The following TAFA1 variants were observed in gnomAD, a reference collection of about 807,000 sequenced individuals.
TAFA1 encodes the protein TAFA chemokine like family member 1, also known as chemokine-like protein TAFA-1.
TAFA1 carries 4 observed loss-of-function variants against 18.5 expected under a neutral mutation model. The observed-to-expected ratio is 0.22, with a 90% CI of 0.11 to 0.49. The LOEUF (loss-of-function observed/expected upper bound fraction) is 0.49. Among genes scored for constraint, TAFA1 ranks in the 20% least tolerant of loss-of-function variants. The probability of loss-of-function intolerance (pLI) is 0.98; values close to 1 mark genes in which losing one functional copy is unlikely to be tolerated. For synonymous variants in TAFA1, 56 were observed against 55.2 expected, an observed-to-expected ratio of 1.01 and a Z score of -0.06; for missense variants, 147 against 169.0, an observed-to-expected ratio of 0.87 and a Z score of 0.72.
intron 2 of TAFA1, among the ~76,000 whole-genome samples, chr3:68,067,187 T>G (rs1367226365): frequency 1.3e-5 from 2 of 152,334 alleles, no homozygotes; most frequent in African/African-American, 4.8e-5. Context: ...TTGTGACATC[T>G]ACATTTTGGT....
chr3:68,091,189 A>G (rs2065025626), intron 2 of TAFA1, among the ~76,000 whole-genome samples: 1 of 152,202 alleles, frequency 6.6e-6, no homozygotes, highest in African/African-American at 2.4e-5. Flanking sequence ...AAGGACACCT[A>G]CAGACTTCTC....
At chr3:68,066,026 A>G (rs2064673802) in intron 2 of TAFA1, among the ~76,000 whole-genome samples, 1 of 152,150 alleles carries the variant, frequency 6.6e-6, no homozygotes, top group South Asian at 2.1e-4. Context: ...AATGTGTAGA[A>G]AATACAAACA....
At chr3:68,050,278 T>C (rs1207909195) in intron 2 of TAFA1, among the ~76,000 whole-genome samples, 2 of 152,060 alleles carry the variant, frequency 1.3e-5, no homozygotes, top group African/African-American at 4.8e-5. Context: ...CAAGAGAGTA[T>C]AGAAGAGCCC....
intron 2 of TAFA1, among the ~76,000 whole-genome samples, chr3:68,377,628 TTTAA>T (rs2069844008): frequency 6.6e-6 from 1 of 152,154 alleles, no homozygotes; most frequent in Non-Finnish European, 1.5e-5. Flanking sequence ...GTAACGAGGA[TTTAA>T]TTGTTAATCG....
At chr3:68,352,687 G>A (rs990226936) in intron 2 of TAFA1, among the ~76,000 whole-genome samples, 10 of 151,996 alleles carry the variant, frequency 6.6e-5, no homozygotes, top group African/African-American at 2.4e-4. Flanking sequence ...ACATATTCTG[G>A]TTTCTGTCAG....
chr3:68,517,492 G>A (rs911131185), intron 3 of TAFA1, among the ~76,000 whole-genome samples: 3 of 152,122 alleles, frequency 2.0e-5, no homozygotes, highest in African/African-American at 7.2e-5. Flanking sequence ...GGTGACCTGG[G>A]TGCAGGGAAA....
intron 3 of TAFA1, among the ~76,000 whole-genome samples, chr3:68,489,826 TTAATC>T (rs10576462): frequency 0.23 from 34,992 of 151,926 alleles, 4,273 homozygotes; most frequent in Admixed American, 0.28. Context: ...TTAATTTTAT[TTAATC>T]TAAACTCTTG....
intron 2 of TAFA1, among the ~76,000 whole-genome samples, chr3:68,147,084 C>T (rs1165301601): frequency 6.6e-6 from 1 of 150,670 alleles, no homozygotes; most frequent in Non-Finnish European, 1.5e-5. Context: ...GTGTTGGCAT[C>T]TTAAAAAGAA....
At chr3:68,328,228 T>C (rs971493587) in intron 2 of TAFA1, among the ~76,000 whole-genome samples, 4 of 152,172 alleles carry the variant, frequency 2.6e-5, no homozygotes, top group Non-Finnish European at 4.4e-5. Flanking sequence ...AACTGGGATT[T>C]TGTGCTGCTC....
intron 2 of TAFA1, among the ~76,000 whole-genome samples, chr3:68,188,522 TAG>T (rs56352696): frequency 0.054 from 7,709 of 143,854 alleles, 211 homozygotes; most frequent in East Asian, 0.11. Context: ...TATATATATA[TAG>T]AGAGAGAGAG....
At chr3:68,261,454 A>G in intron 2 of TAFA1, among the ~76,000 whole-genome samples, 1 of 152,206 alleles carries the variant, frequency 6.6e-6, no homozygotes, top group Non-Finnish European at 1.5e-5. Flanking sequence ...TGCTATAAAG[A>G]TACATGCACA....
intron 3 of TAFA1, among the ~76,000 whole-genome samples, chr3:68,491,947 C>G (rs2072460778): frequency 1.3e-5 from 2 of 152,178 alleles, no homozygotes. Context: ...GACAGAGGAG[C>G]TCTGTTCTAC....
At chr3:68,269,292 A>T (rs1394971427) in intron 2 of TAFA1, among the ~76,000 whole-genome samples, 1 of 150,834 alleles carries the variant, frequency 6.6e-6, no homozygotes, top group Non-Finnish European at 1.5e-5. Flanking sequence ...TATCTTTACA[A>T]TTTCTTTTTT....
At chr3:68,107,158 A>G (rs1484357368) in intron 2 of TAFA1, among the ~76,000 whole-genome samples, 2 of 152,120 alleles carry the variant, frequency 1.3e-5, no homozygotes, top group East Asian at 3.9e-4. Context: ...GGGAGACTGA[A>G]GCGGTTTAGA....
intron 3 of TAFA1, among the ~76,000 whole-genome samples, chr3:68,529,035 A>G (rs1417608363): frequency 6.6e-6 from 1 of 151,488 alleles, no homozygotes; most frequent in Non-Finnish European, 1.5e-5. Context: ...TTTTTGTTTC[A>G]TTGTGTTTAT....
chr3:68,195,773 T>G (rs768933638), intron 2 of TAFA1, among the ~76,000 whole-genome samples: 18 of 151,806 alleles, frequency 1.2e-4, no homozygotes, highest in Admixed American at 2.0e-4. Context: ...TTAGGGTTCT[T>G]ATAATATAAT....
At chr3:68,505,020 G>C (rs2072723164) in intron 3 of TAFA1, among the ~76,000 whole-genome samples, 1 of 152,094 alleles carries the variant, frequency 6.6e-6, no homozygotes. Flanking sequence ...TGAGAAGTAT[G>C]GCAGCCTATT....
chr3:68,365,286 G>T (rs2069544673), intron 2 of TAFA1, among the ~76,000 whole-genome samples: 1 of 152,124 alleles, frequency 6.6e-6, no homozygotes, highest in Non-Finnish European at 1.5e-5. Context: ...TTGAACATTT[G>T]TCTCTCTGAC....
At chr3:68,544,435 C>T in intron 4 of TAFA1, 51 bp from the exon 5 acceptor site, 6 of 1,585,062 alleles carry the variant, frequency 3.8e-6, no homozygotes, top group Non-Finnish European at 5.2e-6. Flanking sequence ...TTTCTTTGTG[C>T]CTTCAGTTTG....
Sources: allele counts gnomAD v4.1 joint callset (sites outside exome capture counted in the v4.1 genomes callset), GRCh38; gene constraint gnomAD v4.1.1; transcripts MANE v1.5; gene names NCBI Gene and HGNC (gene_info 2026-07-23, HGNC 2026-07-21).